Variants in AKAP6 observed in about 807,000 individuals in gnomAD.
AKAP6 encodes the protein A-kinase anchoring protein 6, also known as A-kinase anchor protein 6.
In AKAP6, 58 loss-of-function variants were observed where a neutral mutation model predicts 188.5. The ratio of observed to expected loss-of-function variants is 0.31; its 90% CI spans 0.25 to 0.38. The LOEUF is 0.38. AKAP6 is among the 10% of genes least tolerant of loss of function. The pLI, the probability that AKAP6 is intolerant of heterozygous loss-of-function variation, is 1.00. For missense variants in AKAP6, 2,710 were observed against 2,740.0 expected, an observed-to-expected ratio of 0.99 and a Z score of 0.24; for synonymous variants, 989 against 998.6, an observed-to-expected ratio of 0.99 and a Z score of 0.18.
chr14:32,551,926 A>T (rs1041301149), intron 4 of AKAP6, among the ~76,000 whole-genome samples: 4 of 151,876 alleles, frequency 2.6e-5, no homozygotes, highest in Non-Finnish European at 4.4e-5. Context: ...TCGGCCTCCC[A>T]AAGTGCTGGG....
chr14:32,476,069 G>T (rs1879052731), intron 2 of AKAP6, among the ~76,000 whole-genome samples: 1 of 151,682 alleles, frequency 6.6e-6, no homozygotes, highest in African/African-American at 2.4e-5. Context: ...TTATCTATTT[G>T]GTACCTTTAA....
Position 32,672,718 on chromosome 14 carries a change from T to G in AKAP6, c.2731-5593T>G, listed in dbSNP as rs574267385. Reference sequence around the variant, plus strand: ...CAGTCCATAATATTATGTTAAAAGTTTACCAGAGGTACTAGTTACTAGAAT... The same window carrying G: ...CAGTCCATAATATTATGTTAAAAGTGTACCAGAGGTACTAGTTACTAGAAT... On this transcript the variant is annotated intron_variant, in intron 7 of 13. Transcript: ENST00000280979. Among the ~76,000 whole-genome samples the G allele has an allele frequency of 2.0e-5, 3 of 152,250 alleles. No individual in the cohort carries two copies. In the East Asian group the frequency reaches 5.8e-4, roughly 29 times the overall value.
chr14:32,661,258 G>A (rs972232426), intron 7 of AKAP6, among the ~76,000 whole-genome samples: 5 of 151,912 alleles, frequency 3.3e-5, no homozygotes, highest in Non-Finnish European at 5.9e-5. Flanking sequence ...TCAGTAAATC[G>A]TGATAATTGT....
chr14:32,673,251 A>AT (rs1267008882), intron 7 of AKAP6, among the ~76,000 whole-genome samples: 1 of 152,154 alleles, frequency 6.6e-6, no homozygotes, highest in Non-Finnish European at 1.5e-5. Context: ...ACAATAAATT[A>AT]TTTTTATTTC....
chr14:32,724,675 C>G (rs746605005), intron 9 of AKAP6, among the ~76,000 whole-genome samples: 2 of 151,930 alleles, frequency 1.3e-5, no homozygotes, highest in African/African-American at 4.8e-5. Context: ...CCTACTAAGC[C>G]GATCACTTCA....
chr14:32,376,758 G>A (rs1264974960), intron 1 of AKAP6, among the ~76,000 whole-genome samples: 5 of 151,994 alleles, frequency 3.3e-5, no homozygotes, highest in African/African-American at 9.7e-5. Flanking sequence ...GTGCAGTGGC[G>A]CCATCTCGGC....
rs148204017 is a variant in AKAP6 at position 32,690,799 on chromosome 14, A to G, written c.2880-5191A>G. ...TTAGAAGACTTTTTCTCCCCATAAC[A>G]TGATTAAGCTACCTACATCAGAATG... On this transcript the variant is annotated intron_variant, in intron 8 of 13. Coordinates refer to ENST00000280979, the MANE Select transcript of AKAP6 (RefSeq NM_004274.5). 2.6e-4 allele frequency among the ~76,000 whole-genome samples: 39 copies of G among 152,298 alleles called. No homozygotes were observed. In the East Asian group the frequency reaches 4.4e-3, roughly 17 times the overall value.
chr14:32,786,297 T>TGTTTTTTTTTGTTTG (rs1566710091), intron 12 of AKAP6, among the ~76,000 whole-genome samples: 1 of 83,380 alleles, frequency 1.2e-5, no homozygotes, highest in Admixed American at 1.7e-4. Flanking sequence ...TAAACCTTTA[T>TGTTTTTTTTTGTTTG]CTTTTTTTTT....
intron 5 of AKAP6, among the ~76,000 whole-genome samples, chr14:32,579,078 TA>T (rs1314043563): frequency 1.3e-5 from 2 of 152,192 alleles, no homozygotes; most frequent in Non-Finnish European, 2.9e-5. Context: ...AATGAGTTTT[TA>T]ATTTTACTTG....
At chr14:32,780,157 C>CCATATATATATATATATATATATATATAT (rs142218168) in intron 12 of AKAP6, among the ~76,000 whole-genome samples, 39 of 119,364 alleles carry the variant, frequency 3.3e-4, no homozygotes, top group African/African-American at 9.6e-4. Context: ...AAAAAAAAAA[C>CCATATATATATATATATATATATATATAT]ATATATATAT....
intron 11 of AKAP6, among the ~76,000 whole-genome samples, chr14:32,751,128 G>T (rs1030716816): frequency 1.3e-5 from 2 of 150,564 alleles, no homozygotes; most frequent in Non-Finnish European, 3.0e-5. Context: ...AAGTAATTCA[G>T]AATTAATTAT....
At chr14:32,587,634 C>G (rs1885309391) in intron 5 of AKAP6, among the ~76,000 whole-genome samples, 2 of 152,152 alleles carry the variant, frequency 1.3e-5, no homozygotes, top group South Asian at 4.1e-4. Flanking sequence ...GAAAGAGGAA[C>G]AGATTAGAGA....
At chr14:32,687,626 A>G (rs904390953) in intron 8 of AKAP6, among the ~76,000 whole-genome samples, 1 of 152,148 alleles carries the variant, frequency 6.6e-6, no homozygotes, top group African/African-American at 2.4e-5. Flanking sequence ...AGTCTCACAT[A>G]TAGATTAAAT....
chr14:32,793,496 C>A (rs1029695053), intron 12 of AKAP6, among the ~76,000 whole-genome samples: 1 of 151,962 alleles, frequency 6.6e-6, no homozygotes, highest in Non-Finnish European at 1.5e-5. Flanking sequence ...TATATATGCA[C>A]CCAATACAGA....
At position 32,329,424 on chromosome 14, in the gene AKAP6, C is replaced by T. The variant is rs1288643604; in HGVS notation, c.-35+16C>T. On this transcript the variant is annotated intron_variant, in intron 1 of 13. Transcript: ENST00000280979. ...TCAGGAGATGGTGAGTGTTAAATGT[C>T]TGGGCCTTAATTGCACGGCTGTTTT... 6.6e-6 allele frequency: 1 copy of T among 152,080 alleles called. No homozygotes were observed. Among genetic ancestry groups the T allele is most frequent in the Non-Finnish European group, 1.5e-5 (1 of 67,992 alleles). The allele number at this position is 152,080 out of a possible 1,614,324, so 9.4% of individuals were successfully genotyped here.
intron 5 of AKAP6, among the ~76,000 whole-genome samples, chr14:32,584,671 C>T (rs1172676077): frequency 6.6e-6 from 1 of 151,512 alleles, no homozygotes; most frequent in East Asian, 1.9e-4. Context: ...CTAAGCAATC[C>T]TTGATCTGCT....
intron 1 of AKAP6, among the ~76,000 whole-genome samples, chr14:32,354,695 G>A (rs559739352): frequency 6.6e-6 from 1 of 151,990 alleles, no homozygotes; most frequent in Non-Finnish European, 1.5e-5. Flanking sequence ...TCATAATCAA[G>A]CTTTTTGACA....
At chr14:32,815,438 T>C (rs558420146) in intron 12 of AKAP6, among the ~76,000 whole-genome samples, 1 of 152,326 alleles carries the variant, frequency 6.6e-6, no homozygotes, top group African/African-American at 2.4e-5. Flanking sequence ...CTTGCCTTTT[T>C]TAAAAAAAGG....
intron 2 of AKAP6, among the ~76,000 whole-genome samples, chr14:32,465,396 G>A (rs1458904186): frequency 6.6e-6 from 1 of 152,054 alleles, no homozygotes. Context: ...CAGATATATA[G>A]ACCAATGGAA....
Sources: gnomAD v4.1 joint callset for allele counts (sites outside exome capture counted in the v4.1 genomes callset) on GRCh38, gnomAD v4.1.1 for gene constraint, MANE v1.5 for transcripts, NCBI Gene and HGNC (gene_info 2026-07-23, HGNC 2026-07-21) for gene names.